The following CCDC68 variants were observed in gnomAD, a reference collection of about 807,000 sequenced individuals.
The protein encoded by CCDC68 is coiled-coil domain containing 68.
CCDC68 carries 45 observed loss-of-function variants against 47.1 expected under a neutral mutation model. That is an observed-to-expected ratio of 0.96 (90% confidence interval 0.75 to 1.23). The LOEUF is 1.23. Among genes scored for constraint, CCDC68 ranks in the 50% most tolerant of loss-of-function variants. The pLI is 0.00. For missense variants in CCDC68, 353 were observed against 373.6 expected, an observed-to-expected ratio of 0.94 and a Z score of 0.45; for synonymous variants, 131 against 129.5, an observed-to-expected ratio of 1.01 and a Z score of -0.08.
intron 3 of CCDC68, among the ~76,000 whole-genome samples, chr18:54,942,326 G>A (rs1189501042): frequency 2.6e-5 from 4 of 152,062 alleles, no homozygotes; most frequent in Non-Finnish European, 4.4e-5. Flanking sequence ...TTGGGAACAC[G>A]ATCAACACTC....
At chr18:54,948,877 A>T (rs2044569159) in intron 1 of CCDC68, among the ~76,000 whole-genome samples, 1 of 152,244 alleles carries the variant, frequency 6.6e-6, no homozygotes, top group African/African-American at 2.4e-5. Context: ...TTTGAGCAAA[A>T]GATGAAGAAA....
chr18:54,936,608 C>T (rs1056427691), intron 6 of CCDC68, among the ~76,000 whole-genome samples: 1 of 152,228 alleles, frequency 6.6e-6, no homozygotes, highest in South Asian at 2.1e-4. Context: ...CTCATGGGGG[C>T]TCTGGGCAAG....
At chr18:54,923,859 C>T (rs1030030451) in intron 8 of CCDC68, among the ~76,000 whole-genome samples, 3 of 152,058 alleles carry the variant, frequency 2.0e-5, no homozygotes, top group African/African-American at 7.2e-5. Flanking sequence ...ATTACAGGCA[C>T]CCATCACTAT....
intron 7 of CCDC68, among the ~76,000 whole-genome samples, chr18:54,929,300 T>A (rs918598654): frequency 6.6e-6 from 1 of 152,232 alleles, no homozygotes; most frequent in Admixed American, 6.5e-5. Context: ...TACCTCTACA[T>A]ACTACTTGGC....
chr18:54,932,473 G>A (rs1195646966), intron 7 of CCDC68, among the ~76,000 whole-genome samples: 1 of 152,056 alleles, frequency 6.6e-6, no homozygotes, highest in African/African-American at 2.4e-5. Context: ...TTACAGGCGT[G>A]AGCCACCACA....
chr18:54,930,657 T>TCTC (rs2044234752), intron 7 of CCDC68, among the ~76,000 whole-genome samples: 1 of 9,228 alleles, frequency 1.1e-4, no homozygotes, highest in Admixed American at 1.2e-3. Context: ...CTCCCTCCCT[T>TCTC]CCTTCCTTCC....
At chr18:54,936,999 A>T (rs781467241) in intron 5 of CCDC68, 41 bp from the exon 6 acceptor site, 1 of 1,610,388 alleles carries the variant, frequency 6.2e-7, no homozygotes, top group Non-Finnish European at 8.5e-7. Context: ...CATTTACAAC[A>T]AAAAGTGTTA....
Position 54,904,345 on chromosome 18 carries a change from TCATC to T in CCDC68, c.*9_*12del. 1 of 1,604,578 alleles carries T rather than the reference TCATC, an allele frequency of 6.2e-7. No individual in the cohort carries two copies. Among genetic ancestry groups the T allele is most frequent in the Non-Finnish European group, 8.5e-7 (1 of 1,171,552 alleles). ...CACGCAGTCTTTCTAAATCAGATCT[TCATC>T]CAGCCAGTTCATTTCCGTAACCTAA... is the stretch of plus-strand genomic sequence containing the variant. On this transcript the variant is annotated 3_prime_UTR_variant, in exon 12 of 12. Transcript: ENST00000591504.
Position 54,942,822 on chromosome 18 carries a change from C to T in CCDC68, c.-12-19G>A, listed in dbSNP as rs2044461125. 1 of 1,333,388 alleles carries T rather than the reference C, an allele frequency of 7.5e-7. No individual in the cohort carries two copies. Among genetic ancestry groups the T allele is most frequent in the East Asian group, 2.3e-5 (1 of 43,406 alleles). 82.6% of individuals were successfully genotyped at this position (1,333,388 alleles called of 1,614,324 possible). On this transcript the variant is annotated intron_variant, in intron 2 of 11. Coordinates refer to ENST00000591504, the MANE Select transcript of CCDC68 (RefSeq NM_025214.3). ...ATTCTGGCTTTAGGAAAACATAAAT[C>T]AGCTAAGCAAAACAGACTGTTTTGA...
intron 1 of CCDC68, among the ~76,000 whole-genome samples, chr18:54,948,173 G>C (rs924001639): frequency 6.6e-6 from 1 of 152,066 alleles, no homozygotes; most frequent in African/African-American, 2.4e-5. Flanking sequence ...TTAAAAATAG[G>C]GTTTTGCAGG....
intron 11 of CCDC68, among the ~76,000 whole-genome samples, chr18:54,906,607 G>C (rs1206042301): frequency 1.3e-5 from 2 of 152,164 alleles, no homozygotes; most frequent in Non-Finnish European, 2.9e-5. Flanking sequence ...AAAGATGGAA[G>C]GGAGCAAAAT....
Position 54,903,092 on chromosome 18 carries a change from T to G in CCDC68, c.*1266A>C, listed in dbSNP as rs941620273. 6.6e-6 allele frequency: 1 copy of G among 152,194 alleles called. No homozygotes were observed. Among genetic ancestry groups the G allele is most frequent in the East Asian group, 1.9e-4 (1 of 5,202 alleles). 9.4% of individuals were successfully genotyped at this position (152,194 alleles called of 1,614,324 possible). A position where few individuals can be genotyped will look rare whatever the true frequency, so the allele number is the denominator to read the frequency against. On this transcript the variant is annotated 3_prime_UTR_variant, in exon 12 of 12. Transcript: ENST00000591504. ...TTACACAACAATTCAAGGATTACAG[T>G]ACTTGGATAAATTTATAAATACATT...
In CCDC68 at chr18:54,928,798, A is replaced by T; in HGVS notation, c.683+2T>A. The T allele has an allele frequency of 6.2e-7, 1 of 1,604,904 alleles. No homozygotes were observed. The highest frequency in any genetic ancestry group is 8.5e-7 in the Non-Finnish European group (1 of 1,171,964). On this transcript the variant is annotated splice_donor_variant, in intron 8 of 11. Transcript: ENST00000591504. LOFTEE classifies it high-confidence loss of function. ...CTTTACTTAACAGGTAGCTTCACAA[A>T]CCTTTTTCCATATGTAGCACTGGAT...
intron 7 of CCDC68, among the ~76,000 whole-genome samples, chr18:54,932,730 C>A (rs2044284645): frequency 6.6e-6 from 1 of 152,194 alleles, no homozygotes; most frequent in African/African-American, 2.4e-5. Context: ...CCATCACTTC[C>A]CAAGAATGTC....
intron 8 of CCDC68, 75 bp from the exon 9 acceptor site, chr18:54,919,451 C>G (rs1364367002): frequency 8.2e-6 from 10 of 1,213,378 alleles, no homozygotes; most frequent in African/African-American, 3.0e-5. Context: ...TTACTGCTAG[C>G]CCTCCTACAC....
chr18:54,920,839 A>C (rs1456740429), intron 8 of CCDC68, among the ~76,000 whole-genome samples: 1 of 152,236 alleles, frequency 6.6e-6, no homozygotes. Context: ...CAATCCCATT[A>C]CTGGGTATAT....
chr18:54,939,793 A>G (rs1334335477), intron 4 of CCDC68, among the ~76,000 whole-genome samples: 1 of 152,076 alleles, frequency 6.6e-6, no homozygotes. Flanking sequence ...TGGCCTTGAC[A>G]CGAGTAACTT....
intron 1 of CCDC68, among the ~76,000 whole-genome samples, chr18:54,956,701 G>GA (rs2044718148): frequency 1.3e-5 from 2 of 152,188 alleles, no homozygotes; most frequent in South Asian, 4.1e-4. Flanking sequence ...GAAATGTCCA[G>GA]AAAAGGCAGA....
intron 8 of CCDC68, among the ~76,000 whole-genome samples, chr18:54,922,245 C>T (rs1351974505): frequency 3.9e-5 from 6 of 152,106 alleles, no homozygotes; most frequent in Admixed American, 3.3e-4. Context: ...GCACCCCCAG[C>T]GGGTAAGGTG....
Sources: gnomAD v4.1 joint callset for allele counts (sites outside exome capture counted in the v4.1 genomes callset) on GRCh38, gnomAD v4.1.1 for gene constraint, MANE v1.5 for transcripts, NCBI Gene and HGNC (gene_info 2026-07-23, HGNC 2026-07-21) for gene names.